The following PRKN variants were observed in gnomAD, a reference collection of about 807,000 sequenced individuals.
The protein encoded by PRKN is E3 ubiquitin-protein ligase parkin.
PRKN carries 56 observed loss-of-function variants against 59.5 expected under a neutral mutation model. That is an observed-to-expected ratio of 0.94 (90% confidence interval 0.76 to 1.18). The LOEUF is 1.18. Among genes scored for constraint, PRKN ranks in the 50% most tolerant of loss-of-function variants. The pLI, the probability that PRKN is intolerant of heterozygous loss-of-function variation, is 0.00. For synonymous variants in PRKN, 250 were observed against 222.1 expected, an observed-to-expected ratio of 1.13 and a Z score of -1.12; for missense variants, 657 against 596.4, an observed-to-expected ratio of 1.10 and a Z score of -1.06.
At chr6:162,079,008 T>C (rs1176817677) in intron 4 of PRKN, among the ~76,000 whole-genome samples, 2 of 152,002 alleles carry the variant, frequency 1.3e-5, no homozygotes, top group African/African-American at 4.8e-5. Flanking sequence ...TCATCAGAGG[T>C]TGCCATTCTG....
chr6:162,260,638 AAG>A (rs1779850469), intron 3 of PRKN, among the ~76,000 whole-genome samples: 1 of 152,156 alleles, frequency 6.6e-6, no homozygotes, highest in African/African-American at 2.4e-5. Flanking sequence ...ACAAAATAAG[AAG>A]ACTAAAATTT....
At chr6:161,646,487 A>G (rs112591373) in intron 7 of PRKN, among the ~76,000 whole-genome samples, 4,298 of 71,584 alleles carry the variant, frequency 0.06, 326 homozygotes, top group Middle Eastern at 0.089. Flanking sequence ...CTGCGTGTGC[A>G]TGCGTGGTGG....
intron 2 of PRKN, among the ~76,000 whole-genome samples, chr6:162,328,743 G>A (rs1783428226): frequency 6.6e-6 from 1 of 152,162 alleles, no homozygotes; most frequent in South Asian, 2.1e-4. Flanking sequence ...CAGGCTCCAG[G>A]GATGAGGAGA....
In PRKN at chr6:162,294,147, T is replaced by G. The variant is rs527431824; in HGVS notation, c.172-31382A>C. On this transcript the variant is annotated intron_variant, in intron 2 of 11. Coordinates refer to ENST00000366898, the MANE Select transcript of PRKN (RefSeq NM_004562.3). ...AGGCAGGAGAGATGCAGAAAAGAGG[T>G]TTCCAGCGGTGCAAATGTACTAAGA... is the stretch of plus-strand genomic sequence containing the variant. 4.1e-4 allele frequency among the ~76,000 whole-genome samples: 63 copies of G among 151,924 alleles called. 1 individual carries two copies. The highest frequency in any genetic ancestry group is 1.5e-3 in the African/African-American group (61 of 41,446).
At chr6:161,398,237 G>GCCTCC (rs1288115886) in intron 9 of PRKN, among the ~76,000 whole-genome samples, 2 of 152,132 alleles carry the variant, frequency 1.3e-5, no homozygotes, top group Non-Finnish European at 2.9e-5. Context: ...GGAGAGGAGA[G>GCCTCC]TCACAGATAG....
intron 2 of PRKN, among the ~76,000 whole-genome samples, chr6:162,378,647 C>T (rs1436308149): frequency 6.6e-6 from 1 of 152,206 alleles, no homozygotes; most frequent in African/African-American, 2.4e-5. Context: ...ATTCAAATGG[C>T]CTTTGTTCTA....
chr6:161,588,643 A>T lies in PRKN; in HGVS notation c.872-19227T>A, dbSNP rs1781604229. ...CCGTAAAGCCCCATGATACTGATCCATGTGAGCCACCAACTTGGTTCTGAG... is the reference window on the plus strand; with the variant it reads ...CCGTAAAGCCCCATGATACTGATCCTTGTGAGCCACCAACTTGGTTCTGAG... On this transcript the variant is annotated intron_variant, in intron 7 of 11. Transcript: ENST00000366898. This position sits in a 1 kb window ranked among gnomAD's most constrained non-coding sequence, Gnocchi z 5.0. Among the ~76,000 whole-genome samples the T allele has an allele frequency of 6.6e-6, 1 of 152,168 alleles. No homozygotes were observed. The highest frequency in any genetic ancestry group is 6.5e-5 in the Admixed American group (1 of 15,278).
rs139908308 is a variant in PRKN, at chr6:161,552,105, A to G, written c.934-3102T>C. 3.3e-3 allele frequency among the ~76,000 whole-genome samples: 500 copies of G among 152,330 alleles called. 2 individuals carry two copies. Among genetic ancestry groups the G allele is most frequent in the African/African-American group, 0.011 (473 of 41,574 alleles). ...GGCACCCAGGCCCTCCTGAGGTCAG[A>G]GATGATGAATTTAAAGGAAAACTCG... On this transcript the variant is annotated intron_variant, in intron 8 of 11. Transcript: ENST00000366898. This position sits in a 1 kb window ranked among gnomAD's most constrained non-coding sequence, Gnocchi z 4.9.
intron 1 of PRKN, among the ~76,000 whole-genome samples, chr6:162,564,255 G>A (rs1458496846): frequency 6.6e-6 from 1 of 151,954 alleles, no homozygotes; most frequent in African/African-American, 2.4e-5. Context: ...TAAGGCAGAA[G>A]AATCGCTTGA....
chr6:161,895,525 C>CT (rs1562371961), intron 6 of PRKN, among the ~76,000 whole-genome samples: 12 of 105,092 alleles, frequency 1.1e-4, no homozygotes, highest in South Asian at 3.6e-4. Context: ...TTATGCCCCC[C>CT]AGTGAGGCTT....
In PRKN at chr6:161,578,725, T is replaced by C. The variant is rs1306697558; in HGVS notation, c.872-9309A>G. On this transcript the variant is annotated intron_variant, in intron 7 of 11. Transcript: ENST00000366898. The surrounding 1 kb of genome is among the most constrained non-coding windows in gnomAD (Gnocchi z 4.2). ...AGATCTAATCAGCGCTGCTCTGCAA[T>C]AGATTTTCTGTGGTCATTTGGGAGG... Among the ~76,000 whole-genome samples the C allele has an allele frequency of 6.6e-6, 1 of 152,212 alleles. No homozygotes were observed. Among genetic ancestry groups the C allele is most frequent in the East Asian group, 1.9e-4 (1 of 5,194 alleles).
At chr6:162,716,369 C>T (rs1039638063) in intron 1 of PRKN, among the ~76,000 whole-genome samples, 1 of 152,188 alleles carries the variant, frequency 6.6e-6, no homozygotes, top group East Asian at 1.9e-4. Flanking sequence ...ATTTAAAATT[C>T]TAACTGTATA....
intron 1 of PRKN, among the ~76,000 whole-genome samples, chr6:162,615,163 C>T (rs1782350837): frequency 6.6e-6 from 1 of 152,086 alleles, no homozygotes; most frequent in Non-Finnish European, 1.5e-5. Flanking sequence ...GCTTTGTCAG[C>T]CCATATCAAA....
intron 5 of PRKN, among the ~76,000 whole-genome samples, chr6:161,988,247 GA>G (rs1781508452): frequency 1.3e-5 from 2 of 152,100 alleles, no homozygotes; most frequent in Non-Finnish European, 2.9e-5. Flanking sequence ...AGCACTTTGG[GA>G]GGCCGAGGCA....
chr6:162,520,674 A>G (rs1211797529), intron 1 of PRKN, among the ~76,000 whole-genome samples: 1 of 152,150 alleles, frequency 6.6e-6, no homozygotes, highest in Non-Finnish European at 1.5e-5. Context: ...TGTGTTCCTT[A>G]AGATTTAGTG....
intron 2 of PRKN, among the ~76,000 whole-genome samples, chr6:162,289,100 C>T (rs540602865): frequency 9.9e-5 from 15 of 152,240 alleles, no homozygotes; most frequent in Admixed American, 2.0e-4. Context: ...AACAGAAATG[C>T]ACTGTCTCAC....
Position 161,385,670 on chromosome 6 carries a change from G to A in PRKN, c.1167+1124C>T, listed in dbSNP as rs1053760913. On this transcript the variant is annotated intron_variant, in intron 10 of 11. Transcript: ENST00000366898. This position sits in a 1 kb window ranked among gnomAD's most constrained non-coding sequence, Gnocchi z 4.9. Reference sequence around the variant, plus strand: ...GGATGTAAATTGCTAGACTAACTCCGTTTCCCAGAGCCTCAGGTATACCCG... The same window carrying A: ...GGATGTAAATTGCTAGACTAACTCCATTTCCCAGAGCCTCAGGTATACCCG... Among the ~76,000 whole-genome samples the A allele has an allele frequency of 5.3e-5, 8 of 152,114 alleles. No homozygotes were observed. In the East Asian group the frequency reaches 9.6e-4, roughly 18 times the overall value.
rs1016173989 is a variant in PRKN at position 161,459,592 on chromosome 6, C to G, written c.1084-72715G>C. Among the ~76,000 whole-genome samples, 8 of 152,122 alleles carry G rather than the reference C, an allele frequency of 5.3e-5. No individual in the cohort carries two copies. Among genetic ancestry groups the G allele is most frequent in the Admixed American group, 2.6e-4 (4 of 15,264 alleles). On this transcript the variant is annotated intron_variant, in intron 9 of 11. Coordinates refer to ENST00000366898, the MANE Select transcript of PRKN (RefSeq NM_004562.3). The surrounding 1 kb of genome is among the most constrained non-coding windows in gnomAD (Gnocchi z 4.8). Reference sequence around the variant, plus strand: ...CAGGGTAGCAGGCCTTCCTGATGCCCCAGCTTCTCTGAGATCCATCCTGCT... The same window carrying G: ...CAGGGTAGCAGGCCTTCCTGATGCCGCAGCTTCTCTGAGATCCATCCTGCT...
intron 7 of PRKN, among the ~76,000 whole-genome samples, chr6:161,718,214 T>C (rs375897676): frequency 6.6e-6 from 1 of 152,130 alleles, no homozygotes; most frequent in Non-Finnish European, 1.5e-5. Context: ...CAAAGTGTTG[T>C]GTACTGGGAA....
Sources: allele counts gnomAD v4.1 joint callset (sites outside exome capture counted in the v4.1 genomes callset), GRCh38; gene constraint gnomAD v4.1.1; non-coding constraint Gnocchi (gnomAD v3.1); transcripts MANE v1.5; gene names NCBI Gene and HGNC (gene_info 2026-07-23, HGNC 2026-07-21).